Variants in PROX1 observed in about 807,000 individuals in gnomAD.
PROX1 encodes the protein prospero homeobox protein 1.
In PROX1, 7 loss-of-function variants were observed where a neutral mutation model predicts 58.8. The observed-to-expected ratio is 0.12, with a 90% CI of 0.07 to 0.22. The LOEUF is 0.22. Ranked by LOEUF, PROX1 falls within the 10% of genes least tolerant of loss-of-function variation. PROX1 has a pLI of 1.00. For synonymous variants in PROX1, 350 were observed against 358.3 expected (o/e 0.98, Z 0.26); for missense variants, 675 against 927.8 (o/e 0.73, Z 3.54).
chr1:214,002,406 T>C (rs1192056854), intron 2 of PROX1, among the ~76,000 whole-genome samples: 2 of 134,682 alleles, frequency 1.5e-5, no homozygotes, highest in African/African-American at 3.0e-5. Flanking sequence ...TTTTTTTTTC[T>C]TTTTTCTTTT....
intron 4 of PROX1, among the ~76,000 whole-genome samples, chr1:214,012,498 T>C (rs927175188): frequency 6.6e-6 from 1 of 152,234 alleles, no homozygotes; most frequent in Non-Finnish European, 1.5e-5. Context: ...TATGGGCTAA[T>C]GTGGTGCCTC....
At chr1:214,007,675 T>C (rs1458795464) in intron 3 of PROX1, among the ~76,000 whole-genome samples, 5 of 152,238 alleles carry the variant, frequency 3.3e-5, no homozygotes. Context: ...CATATGTGCA[T>C]GTGCATGGGT....
At chr1:214,013,834 G>A (rs1214982054) in intron 4 of PROX1, among the ~76,000 whole-genome samples, 1 of 152,092 alleles carries the variant, frequency 6.6e-6, no homozygotes, top group Admixed American at 6.5e-5. Flanking sequence ...TATGGGGCCC[G>A]GGCAGGAATT....
intron 3 of PROX1, among the ~76,000 whole-genome samples, chr1:214,006,844 T>C (rs988071526): frequency 6.6e-6 from 1 of 152,168 alleles, no homozygotes; most frequent in African/African-American, 2.4e-5. Flanking sequence ...ATCTTCAGTG[T>C]TGTGAAATAA....
intron 4 of PROX1, among the ~76,000 whole-genome samples, chr1:214,032,937 TGAA>T (rs1443379510): frequency 6.6e-6 from 1 of 152,176 alleles, no homozygotes; most frequent in Non-Finnish European, 1.5e-5. Context: ...ATAAAAATGA[TGAA>T]GAGGAGACTG....
At chr1:213,990,786 G>GTTGT (rs1460039652) in intron 1 of PROX1, among the ~76,000 whole-genome samples, 2 of 151,926 alleles carry the variant, frequency 1.3e-5, no homozygotes, top group African/African-American at 4.8e-5. Context: ...AAGTGTTACT[G>GTTGT]TTGTTAAAGC....
chr1:214,007,677 T>C (rs1163030399), intron 3 of PROX1, among the ~76,000 whole-genome samples: 1 of 152,222 alleles, frequency 6.6e-6, no homozygotes, highest in African/African-American at 2.4e-5. Flanking sequence ...TATGTGCATG[T>C]GCATGGGTTC....
At chr1:214,003,976 T>TGTGTGTGTGTGTGTGTG (rs11399035) in intron 2 of PROX1, among the ~76,000 whole-genome samples, 11 of 152,096 alleles carry the variant, frequency 7.2e-5, no homozygotes, top group Admixed American at 2.0e-4. Context: ...GTGAGTGTGT[T>TGTGTGTGTGTGTGTGTG]TGTGTGTGTG....
At chr1:213,991,561 T>C (rs985044299) in intron 1 of PROX1, among the ~76,000 whole-genome samples, 1 of 152,232 alleles carries the variant, frequency 6.6e-6, no homozygotes, top group South Asian at 2.1e-4. Flanking sequence ...TGATATTTTA[T>C]GTGTCCATTA....
intron 4 of PROX1, among the ~76,000 whole-genome samples, chr1:214,025,860 C>T (rs538846017): frequency 5.2e-4 from 79 of 152,218 alleles, no homozygotes; most frequent in African/African-American, 1.7e-3. Context: ...GACGGGGTTT[C>T]ACCATCTTGG....
At position 214,006,391 on chromosome 1, in the gene PROX1, G is replaced by C. The variant is rs575828374; in HGVS notation, c.1833+1119G>C. 2.0e-5 allele frequency among the ~76,000 whole-genome samples: 3 copies of C among 152,300 alleles called. No homozygotes were observed. The South Asian group carries it at 6.2e-4, about 32-fold the overall frequency. On this transcript the variant is annotated intron_variant, in intron 3 of 4. Transcript: ENST00000366958. Reference sequence around the variant, plus strand: ...TCTGTTTTCCCTCCTGTTTGCTTTTGAATTGTGTATCAACTTCAGCCTTTT... The same window carrying C: ...TCTGTTTTCCCTCCTGTTTGCTTTTCAATTGTGTATCAACTTCAGCCTTTT...
upstream of PROX1, among the ~76,000 whole-genome samples, chr1:213,987,112 T>C (rs753840137): frequency 9.2e-5 from 14 of 152,178 alleles, no homozygotes; most frequent in Non-Finnish European, 1.5e-4. Flanking sequence ...TTGCAACATA[T>C]ATATTTTTAA....
At chr1:213,990,936 G>T (rs527924111) in intron 1 of PROX1, among the ~76,000 whole-genome samples, 1 of 152,110 alleles carries the variant, frequency 6.6e-6, no homozygotes, top group Non-Finnish European at 1.5e-5. Flanking sequence ...TCCTAGATAT[G>T]AATTTGATGG....
intron 4 of PROX1, among the ~76,000 whole-genome samples, chr1:214,033,207 G>C (rs967125102): frequency 6.6e-6 from 1 of 152,184 alleles, no homozygotes; most frequent in African/African-American, 2.4e-5. Flanking sequence ...GCCATGTCAT[G>C]CTGCATCCCT....
At position 214,038,532 on chromosome 1, in the gene PROX1, T is replaced by C. The variant is rs1047982327; in HGVS notation, c.*2698T>C. On this transcript the variant is annotated 3_prime_UTR_variant, in exon 5 of 5. Coordinates refer to ENST00000366958, the MANE Select transcript of PROX1 (RefSeq NM_001270616.2). ...TTACATAGGAAAAGAAAAAAAAAAG[T>C]CTAAAGTCCATGTTGAAAAACCACA... 2.0e-5 allele frequency: 3 copies of C among 152,016 alleles called. No individual in the cohort carries two copies. The highest frequency in any genetic ancestry group is 1.5e-5 in the Non-Finnish European group (1 of 68,012). The allele number at this position is 152,016 out of a possible 1,614,324, so 9.4% of individuals were successfully genotyped here.
chr1:213,989,193 T>C (rs1028414607), intron 1 of PROX1, among the ~76,000 whole-genome samples: 19 of 151,936 alleles, frequency 1.3e-4, no homozygotes, highest in African/African-American at 3.6e-4. Context: ...CTCAAAACGC[T>C]GTCGAAGCCG....
chr1:213,995,999 G>C (rs975625967), intron 1 of PROX1, among the ~76,000 whole-genome samples: 1 of 152,012 alleles, frequency 6.6e-6, no homozygotes, highest in South Asian at 2.1e-4. Context: ...CTTTAATAGC[G>C]TTAAAACCAC....
chr1:213,996,759 A>G lies in PROX1; in HGVS notation c.224A>G (p.Lys75Arg). 2 of 1,614,244 alleles carry G rather than the reference A, an allele frequency of 1.2e-6. No individual in the cohort carries two copies. The highest frequency in any genetic ancestry group is 1.7e-6 in the Non-Finnish European group (2 of 1,180,046). ...TCAAATGTACTCCGCAAGCTGCTGA[A>G]GAGGGCGAACTCGTATGAAGATGCC... Reference protein sequence around the residue: ...EKSNVLRKLLKRANSYEDAMM... With the variant: ...EKSNVLRKLLRRANSYEDAMM... The change falls in exon 2 of 5, where the codon AAG becomes AGG. Residue 75 changes from lysine to arginine, a missense_variant. Lys to Arg is a conservative substitution (Grantham distance 26). Coordinates refer to ENST00000366958, the MANE Select transcript of PROX1 (RefSeq NM_001270616.2).
At position 213,997,848 on chromosome 1, in the gene PROX1, C is replaced by T; in HGVS notation, c.1313C>T (p.Ala438Val). The change falls in exon 2 of 5, where the codon GCA (alanine) becomes GTA (valine). Residue 438 changes from alanine (A) to valine (V), a missense_variant. Transcript: ENST00000366958. The surrounding 1 kb of genome is among the most constrained non-coding windows in gnomAD (Gnocchi z 7.1). The part of the protein sequence containing the change: ...QMASSTDQTE[A>V]LPLVVRKNSS... ...GCCAGTTCCACTGACCAGACAGAAG[C>T]ACTGCCCCTGGTTGTCCGCAAAAAC... The T allele has an allele frequency of 6.2e-7, 1 of 1,613,944 alleles. No homozygotes were observed. Among genetic ancestry groups the T allele is most frequent in the Non-Finnish European group, 8.5e-7 (1 of 1,179,894 alleles).
Sources: allele counts gnomAD v4.1 joint callset (sites outside exome capture counted in the v4.1 genomes callset), GRCh38; gene constraint gnomAD v4.1.1; non-coding constraint Gnocchi (gnomAD v3.1); transcripts MANE v1.5; gene names NCBI Gene and HGNC (gene_info 2026-07-23, HGNC 2026-07-21).